Variants in MTHFD1L observed in about 807,000 individuals in gnomAD.
MTHFD1L encodes methylenetetrahydrofolate dehydrogenase (NADP+ dependent) 1 like.
Under a neutral mutation model 119.5 loss-of-function variants are expected in MTHFD1L, and 81 were observed. The ratio of observed to expected loss-of-function variants is 0.68; its 90% CI spans 0.57 to 0.82. The LOEUF (loss-of-function observed/expected upper bound fraction) is 0.82. Among genes scored for constraint, MTHFD1L ranks in the 40% least tolerant of loss-of-function variants. The pLI, the probability that MTHFD1L is intolerant of heterozygous loss-of-function variation, is 0.00. For missense variants in MTHFD1L, 1,125 were observed against 1,253.4 expected (o/e 0.90, Z 1.55); for synonymous variants, 430 against 475.2 (o/e 0.90, Z 1.24).
chr6:151,068,457 T>G (rs558489313), intron 26 of MTHFD1L, among the ~76,000 whole-genome samples: 1 of 152,220 alleles, frequency 6.6e-6, no homozygotes, highest in Admixed American at 6.5e-5. Context: ...CATTTCCTCA[T>G]AGCTCCAAGT....
At chr6:151,080,310 T>A (rs1339498348) in intron 26 of MTHFD1L, among the ~76,000 whole-genome samples, 1 of 152,232 alleles carries the variant, frequency 6.6e-6, no homozygotes, top group East Asian at 1.9e-4. Context: ...CACGTTTTTT[T>A]CTCCCACTTA....
chr6:150,957,588 C>T (rs6557106), intron 17 of MTHFD1L, among the ~76,000 whole-genome samples: 104,930 of 152,034 alleles, frequency 0.69, 36,529 homozygotes, highest in African/African-American at 0.75. Flanking sequence ...TTATTTGCAG[C>T]GGTGAAAATT....
At chr6:150,940,080 GT>G (rs1274132560) in intron 13 of MTHFD1L, among the ~76,000 whole-genome samples, 1 of 152,052 alleles carries the variant, frequency 6.6e-6, no homozygotes, top group East Asian at 1.9e-4. Context: ...TTTAGTCAAG[GT>G]TTTTTGTCAA....
At chr6:151,082,064 T>C (rs1002101042) in intron 26 of MTHFD1L, among the ~76,000 whole-genome samples, 4 of 152,232 alleles carry the variant, frequency 2.6e-5, no homozygotes, top group Non-Finnish European at 5.9e-5. Flanking sequence ...GAAACCAGAA[T>C]TTAATTACTT....
chr6:150,989,347 A>G (rs991974042), intron 20 of MTHFD1L, among the ~76,000 whole-genome samples: 1 of 152,360 alleles, frequency 6.6e-6, no homozygotes, highest in Non-Finnish European at 1.5e-5. Flanking sequence ...CTGAAGACGC[A>G]TCCAGTATAT....
chr6:150,977,798 T>C lies in MTHFD1L; in HGVS notation c.2125+5740T>C, dbSNP rs373147446. ...ATCCTTATAGGCAGGTGTCATTAAC[T>C]GAGGGTCACCAGCCACTGGTGGACT... On this transcript the variant is annotated intron_variant, in intron 20 of 27. Transcript: ENST00000367321. Among the ~76,000 whole-genome samples the C allele has an allele frequency of 2.3e-4, 35 of 152,304 alleles. No individual in the cohort carries two copies. The East Asian group carries it at 6.6e-3, about 29-fold the overall frequency.
At chr6:151,060,325 G>A (rs1397476278) in intron 26 of MTHFD1L, among the ~76,000 whole-genome samples, 5 of 152,170 alleles carry the variant, frequency 3.3e-5, no homozygotes, top group Non-Finnish European at 5.9e-5. Flanking sequence ...GTGCAACCAC[G>A]CAAATGCCTC....
intron 20 of MTHFD1L, among the ~76,000 whole-genome samples, chr6:150,995,881 T>C (rs998410680): frequency 6.6e-6 from 1 of 152,270 alleles, no homozygotes; most frequent in African/African-American, 2.4e-5. Context: ...CAGGCTGGTT[T>C]TGAACTCCTG....
Position 150,890,186 on chromosome 6 carries a change from A to ATG in MTHFD1L, c.780+2215_780+2216dup, listed in dbSNP as rs199541760. ...AAATAATAATAAAAAGTGTATATATATGTGTGTGTGTATATATATATATAA... is the reference window on the plus strand; with the variant it reads ...AAATAATAATAAAAAGTGTATATATATGTGTGTGTGTGTATATATATATATAA... On this transcript the variant is annotated intron_variant, in intron 7 of 27. Transcript: ENST00000367321. 6.2e-3 allele frequency among the ~76,000 whole-genome samples: 915 copies of ATG among 148,244 alleles called. 10 individuals carry two copies. The highest frequency in any genetic ancestry group is 0.021 in the African/African-American group (852 of 40,946).
intron 20 of MTHFD1L, among the ~76,000 whole-genome samples, chr6:150,998,201 G>A (rs909374508): frequency 2.0e-5 from 3 of 152,010 alleles, no homozygotes; most frequent in Non-Finnish European, 2.9e-5. Context: ...TTTATATAAT[G>A]ACAAACTACT....
intron 26 of MTHFD1L, among the ~76,000 whole-genome samples, chr6:151,082,133 G>T (rs149475363): frequency 6.6e-6 from 1 of 152,184 alleles, no homozygotes; most frequent in African/African-American, 2.4e-5. Flanking sequence ...TCCACACGTA[G>T]TGGAGATTTT....
At chr6:150,922,410 A>G in intron 10 of MTHFD1L, 108 bp downstream of exon 10, 1 of 738,686 alleles carries the variant, frequency 1.4e-6, no homozygotes, top group East Asian at 2.7e-5. Flanking sequence ...TTGATGGTAG[A>G]TAAGTTTCTC....
At chr6:151,034,698 C>G in intron 25 of MTHFD1L, 98 bp downstream of exon 25, 3 of 771,702 alleles carry the variant, frequency 3.9e-6, no homozygotes, top group Non-Finnish European at 4.5e-6. Flanking sequence ...ACCAGCTAAC[C>G]TTTGCTTAAT....
In MTHFD1L at chr6:150,944,474, T is replaced by C; in HGVS notation, c.1441-12T>C. On this transcript the variant is annotated splice_polypyrimidine_tract_variant and intron_variant, in intron 13 of 27. Coordinates refer to ENST00000367321, the MANE Select transcript of MTHFD1L (RefSeq NM_015440.5). ...GAAAATAAATAAATAGAAAGATATC[T>C]TATTTCTCTAGTTCAACCTTCACTT... 1 of 1,589,874 alleles carries C rather than the reference T, an allele frequency of 6.3e-7. No homozygotes were observed.
intron 10 of MTHFD1L, among the ~76,000 whole-genome samples, chr6:150,923,279 T>C (rs1345934041): frequency 6.6e-6 from 1 of 152,084 alleles, no homozygotes; most frequent in Non-Finnish European, 1.5e-5. Flanking sequence ...CTGTAGGTCA[T>C]AGTCTCAGCT....
chr6:151,053,618 GGGAGGCTGAGGCAGGTGGATCACCTGA>G (rs1789424125), intron 26 of MTHFD1L, among the ~76,000 whole-genome samples: 1 of 152,092 alleles, frequency 6.6e-6, no homozygotes, highest in Non-Finnish European at 1.5e-5. Flanking sequence ...TCAGCACTTT[GGGAGGCTGAGGCAGGTGGATCACCTGA>G]GGTCGGGAAT....
At chr6:150,919,187 G>C (rs1016292556) in intron 9 of MTHFD1L, among the ~76,000 whole-genome samples, 1 of 151,814 alleles carries the variant, frequency 6.6e-6, no homozygotes, top group Admixed American at 6.6e-5. Flanking sequence ...CCTGAGACTG[G>C]TTAACTTAGA....
At chr6:150,964,544 A>G (rs2129006355) in intron 18 of MTHFD1L, among the ~76,000 whole-genome samples, 1 of 152,070 alleles carries the variant, frequency 6.6e-6, no homozygotes. Context: ...ATTTCCCTTT[A>G]CCCTACTTCA....
intron 26 of MTHFD1L, among the ~76,000 whole-genome samples, chr6:151,044,245 CTCTGCCCTTTCTG>C (rs1787590907): frequency 6.6e-6 from 1 of 151,996 alleles, no homozygotes; most frequent in Non-Finnish European, 1.5e-5. Context: ...ACTTTGGCCC[CTCTGCCCTTTCTG>C]GGCAGAGGGT....
Sources: gnomAD v4.1 joint callset for allele counts (sites outside exome capture counted in the v4.1 genomes callset) on GRCh38, gnomAD v4.1.1 for gene constraint, MANE v1.5 for transcripts, NCBI Gene and HGNC (gene_info 2026-07-23, HGNC 2026-07-21) for gene names.